The following LRRC7 variants were observed in gnomAD, a reference collection of about 807,000 sequenced individuals.
LRRC7 encodes leucine-rich repeat-containing protein 7.
A neutral mutation model predicts 175.7 loss-of-function variants in LRRC7; 23 were observed. That is an observed-to-expected ratio of 0.13 (90% CI 0.09 to 0.19). The LOEUF is 0.19. Ranked by LOEUF, LRRC7 falls within the 10% of genes least tolerant of loss-of-function variation. The pLI, the probability that LRRC7 is intolerant of heterozygous loss-of-function variation, is 1.00. For synonymous variants in LRRC7, 685 were observed against 680.9 expected, an observed-to-expected ratio of 1.01 and a Z score of -0.09; for missense variants, 1,354 against 1,904.7, an observed-to-expected ratio of 0.71 and a Z score of 5.38.
intron 2 of LRRC7, among the ~76,000 whole-genome samples, chr1:69,729,084 T>C (rs1570539374): frequency 6.6e-6 from 1 of 152,110 alleles, no homozygotes; most frequent in Non-Finnish European, 1.5e-5. Context: ...ACTCACTCAC[T>C]ATCACAAGAG....
At chr1:69,591,616 A>G (rs1231785030) in intron 1 of LRRC7, among the ~76,000 whole-genome samples, 1 of 152,070 alleles carries the variant, frequency 6.6e-6, no homozygotes, top group Non-Finnish European at 1.5e-5. Flanking sequence ...CCACAGTTTT[A>G]CATAATCCAA....
At chr1:69,720,886 T>G (rs139676062) in intron 2 of LRRC7, among the ~76,000 whole-genome samples, 1 of 151,914 alleles carries the variant, frequency 6.6e-6, no homozygotes, top group African/African-American at 2.4e-5. Context: ...CTAACCACTT[T>G]TAAGTGTACA....
At chr1:70,021,445 A>G (rs1196622106) in intron 16 of LRRC7, 2 of 205,576 alleles carry the variant, frequency 9.7e-6, no homozygotes, top group Non-Finnish European at 9.9e-6. Flanking sequence ...TTCATTGTTG[A>G]CATGCTACAC....
At chr1:69,731,286 A>AC (rs1667551731) in intron 2 of LRRC7, among the ~76,000 whole-genome samples, 1 of 151,942 alleles carries the variant, frequency 6.6e-6, no homozygotes, top group African/African-American at 2.4e-5. Flanking sequence ...AGACTCCATT[A>AC]CCCCCACCCC....
intron 7 of LRRC7, among the ~76,000 whole-genome samples, chr1:69,921,731 G>A (rs1646894388): frequency 6.6e-6 from 1 of 152,084 alleles, no homozygotes; most frequent in African/African-American, 2.4e-5. Flanking sequence ...TTGCTGATGT[G>A]AGCTTTCTAA....
intron 8 of LRRC7, among the ~76,000 whole-genome samples, chr1:69,967,324 A>T (rs1208999902): frequency 1.3e-5 from 2 of 152,074 alleles, no homozygotes; most frequent in African/African-American, 4.8e-5. Context: ...GAGGTCAGAC[A>T]TGCCTAGCCC....
chr1:70,038,597 C>G lies in LRRC7; in HGVS notation c.2773C>G (p.Pro925Ala). 2 of 1,614,122 alleles carry G rather than the reference C, an allele frequency of 1.2e-6. No homozygotes were observed. The highest frequency in any genetic ancestry group is 1.7e-6 in the Non-Finnish European group (2 of 1,179,996). The change falls in exon 21 of 27, where the codon CCT becomes GCT. Residue 925 changes from proline (P) to alanine (A), a missense_variant. Pro to Ala is a conservative substitution (Grantham distance 27). Around this residue, in one of 4 missense-constraint regions of LRRC7, gnomAD observed 1,032 missense variants for 1,227.2 expected, o/e 0.84. Transcript: ENST00000651989. ...AAAGGAATCTACTGAAATACCTAGTCCTTTTTCTCCAGGCGTACCATGGGA... is the reference window on the plus strand; with the variant it reads ...AAAGGAATCTACTGAAATACCTAGTGCTTTTTCTCCAGGCGTACCATGGGA... ...HIKESTEIPS[P>A]FSPGVPWEYH...
chr1:69,710,295 A>AAAG (rs1553144278), intron 2 of LRRC7, among the ~76,000 whole-genome samples: 9 of 150,500 alleles, frequency 6.0e-5, no homozygotes, highest in African/African-American at 1.5e-4. Context: ...AAAAAAAAAA[A>AAAG]AAAGAAAGAA....
At chr1:69,594,540 T>C (rs2100970801) in intron 1 of LRRC7, among the ~76,000 whole-genome samples, 1 of 152,308 alleles carries the variant, frequency 6.6e-6, no homozygotes, top group Admixed American at 6.5e-5. Context: ...GGAATTACTT[T>C]TATTACCTGC....
intron 2 of LRRC7, among the ~76,000 whole-genome samples, chr1:69,747,805 A>T (rs77060162): frequency 0.019 from 2,825 of 152,246 alleles, 44 homozygotes; most frequent in Non-Finnish European, 0.03. Flanking sequence ...AGTAAAAAAA[A>T]AATTCAAAAT....
At chr1:70,028,818 G>A (rs913675599) in intron 18 of LRRC7, among the ~76,000 whole-genome samples, 4 of 152,010 alleles carry the variant, frequency 2.6e-5, no homozygotes, top group Non-Finnish European at 4.4e-5. Context: ...AGGAAACACC[G>A]ATTAACAATA....
intron 8 of LRRC7, among the ~76,000 whole-genome samples, chr1:69,938,886 G>A (rs1244267829): frequency 6.6e-6 from 1 of 150,734 alleles, no homozygotes; most frequent in East Asian, 2.0e-4. Flanking sequence ...AAATAATGAA[G>A]TACAATTTGT....
At chr1:70,021,209 G>A (rs1212281778) in intron 16 of LRRC7, 80 bp downstream of exon 16, 4 of 1,428,854 alleles carry the variant, frequency 2.8e-6, no homozygotes, top group Admixed American at 3.8e-5. Context: ...ATAGATTTTG[G>A]GACAAAGTCA....
At chr1:69,923,657 T>A (rs1389116289) in intron 7 of LRRC7, among the ~76,000 whole-genome samples, 1 of 152,214 alleles carries the variant, frequency 6.6e-6, no homozygotes, top group Non-Finnish European at 1.5e-5. Flanking sequence ...TTATTTGTTT[T>A]TTTCTTGTAA....
intron 26 of LRRC7, among the ~76,000 whole-genome samples, chr1:70,119,760 T>C (rs1666097188): frequency 6.6e-6 from 1 of 152,120 alleles, no homozygotes; most frequent in Non-Finnish European, 1.5e-5. Flanking sequence ...CTGTGAGATA[T>C]TTAAATTTTG....
chr1:69,676,918 T>C (rs566428599), intron 1 of LRRC7, among the ~76,000 whole-genome samples: 1 of 152,146 alleles, frequency 6.6e-6, no homozygotes, highest in East Asian at 1.9e-4. Context: ...TAGTTTTTCA[T>C]TAATTAACCT....
intron 4 of LRRC7, among the ~76,000 whole-genome samples, 167 bp downstream of exon 4, chr1:69,792,327 C>T (rs557440846): frequency 2.6e-5 from 4 of 152,138 alleles, no homozygotes; most frequent in South Asian, 4.1e-4. Flanking sequence ...CCAAGACAGA[C>T]GTCCTGTCTC....
chr1:69,803,978 A>T (rs1676822413), intron 4 of LRRC7, among the ~76,000 whole-genome samples: 1 of 150,818 alleles, frequency 6.6e-6, no homozygotes, highest in African/African-American at 2.4e-5. Flanking sequence ...GGTCTTTTCT[A>T]TTATTTGGTT....
chr1:69,852,503 TTTATCTTTC>T, intron 7 of LRRC7, among the ~76,000 whole-genome samples: 1 of 152,288 alleles, frequency 6.6e-6, no homozygotes, highest in East Asian at 1.9e-4. Context: ...ATGTTCATTG[TTTATCTTTC>T]TTCTCATTTC....
Sources: gnomAD v4.1 joint callset for allele counts (sites outside exome capture counted in the v4.1 genomes callset) on GRCh38, gnomAD v4.1.1 for gene constraint, gnomAD v4.1.1 regional missense constraint, MANE v1.5 for transcripts, NCBI Gene and HGNC (gene_info 2026-07-23, HGNC 2026-07-21) for gene names.